The following ACSM6 variants were observed in gnomAD, a reference collection of about 807,000 sequenced individuals.
ACSM6 encodes acyl-coenzyme A synthetase ACSM6, mitochondrial.
ACSM6 carries 35 observed loss-of-function variants against 51.1 expected under a neutral mutation model. That is an observed-to-expected ratio of 0.69 (90% CI 0.52 to 0.91). ACSM6 has a LOEUF of 0.91. Ranked by LOEUF, ACSM6 falls within the 40% of genes least tolerant of loss-of-function variation. The pLI, the probability that ACSM6 is intolerant of heterozygous loss-of-function variation, is 0.00. For synonymous variants in ACSM6, 172 were observed against 207.3 expected (o/e 0.83, Z 1.46); for missense variants, 509 against 584.1 (o/e 0.87, Z 1.32).
chr10:95,216,314 C>T (rs961920548), intron 8 of ACSM6, among the ~76,000 whole-genome samples: 19 of 152,088 alleles, frequency 1.2e-4, no homozygotes, highest in Non-Finnish European at 1.8e-4. Context: ...CTCCCAAAGG[C>T]CTCATCTCCA....
exon 2 of ACSM6, chr10:95,194,474 T>C: frequency 1.3e-6 from 2 of 1,551,168 alleles, no homozygotes; most frequent in South Asian, 1.2e-5. Flanking sequence ...GGTGGTTCCC[T>C]GTCTGACCCA....
exon 7 of ACSM6, chr10:95,212,881 C>T: frequency 1.9e-6 from 3 of 1,613,706 alleles, no homozygotes. Flanking sequence ...TTCCCATCAC[C>T]ACTCTATCTG....
At chr10:95,198,129 C>T (rs929210015) in intron 2 of ACSM6, among the ~76,000 whole-genome samples, 1 of 152,156 alleles carries the variant, frequency 6.6e-6, no homozygotes. Context: ...AAGCAATTGT[C>T]TAAAGTACAG....
At chr10:95,199,544 C>A (rs61871157) in intron 2 of ACSM6, among the ~76,000 whole-genome samples, 2 of 151,316 alleles carry the variant, frequency 1.3e-5, no homozygotes, top group East Asian at 3.9e-4. Flanking sequence ...CAAAAGAAAC[C>A]ACCATCAGAG....
chr10:95,207,814 A>G (rs940974714), intron 4 of ACSM6, among the ~76,000 whole-genome samples: 2 of 152,214 alleles, frequency 1.3e-5, no homozygotes, highest in African/African-American at 4.8e-5. Flanking sequence ...TGAAGCCATA[A>G]AAAATGAAAT....
At chr10:95,204,615 G>T (rs2034825344) in intron 3 of ACSM6, among the ~76,000 whole-genome samples, 1 of 152,040 alleles carries the variant, frequency 6.6e-6, no homozygotes, top group Non-Finnish European at 1.5e-5. Flanking sequence ...TGAAAGCATT[G>T]ATTAGTTCTT....
exon 10 of ACSM6, chr10:95,225,310 TCTC>T (rs1183828774): frequency 6.4e-7 from 1 of 1,551,508 alleles, no homozygotes. Context: ...AAAACTCAAA[TCTC>T]CTGCCTCCAG....
chr10:95,215,332 G>A (rs1389816163), intron 8 of ACSM6, among the ~76,000 whole-genome samples: 1 of 152,192 alleles, frequency 6.6e-6, no homozygotes, highest in East Asian at 1.9e-4. Flanking sequence ...ATGGAAGAAA[G>A]AGTAGATTAT....
rs148069552 is a variant in ACSM6, at chr10:95,210,777, T to C, written c.739T>C (p.Phe247Leu). The C allele has an allele frequency of 1.1e-5, 18 of 1,613,828 alleles. No homozygotes were observed. The African/African-American group carries it at 2.0e-4, about 18-fold the overall frequency. The change falls in exon 5 of 11, where the codon TTC (phenylalanine) becomes CTC (leucine). Residue 247 changes from phenylalanine (F) to leucine (L), a missense_variant. Transcript: ENST00000341686. Reference sequence around the variant, plus strand: ...TTCCCAGTATGGTTTGGGAATGGGATTCAGCCAGGCTTCCAGGTACGGTTC... The same window carrying C: ...TTCCCAGTATGGTTTGGGAATGGGACTCAGCCAGGCTTCCAGGTACGGTTC...
At chr10:95,207,074 C>A in intron 3 of ACSM6, 134 bp from the exon 4 acceptor site, 1 of 772,840 alleles carries the variant, frequency 1.3e-6, no homozygotes, top group Non-Finnish European at 2.1e-6. Context: ...CATCGTGTTA[C>A]TGACCCAATA....
chr10:95,196,777 A>C (rs558924172), intron 2 of ACSM6, among the ~76,000 whole-genome samples: 2 of 152,400 alleles, frequency 1.3e-5, no homozygotes, highest in African/African-American at 4.8e-5. Flanking sequence ...TAATGTGGAA[A>C]CAATATGATG....
chr10:95,222,392 G>A (rs533091080), intron 9 of ACSM6, among the ~76,000 whole-genome samples: 24 of 152,252 alleles, frequency 1.6e-4, no homozygotes, highest in South Asian at 4.1e-4. Context: ...GGAGGCCAAG[G>A]TGGGCAGATC....
chr10:95,203,857 TAAA>T (rs34969526), intron 3 of ACSM6, among the ~76,000 whole-genome samples: 23 of 106,842 alleles, frequency 2.2e-4, no homozygotes, highest in Non-Finnish European at 2.4e-4. Context: ...ATGCTAGATT[TAAA>T]AAAAAAAAAA....
intron 2 of ACSM6, among the ~76,000 whole-genome samples, chr10:95,195,957 G>T (rs2034721062): frequency 6.6e-6 from 1 of 151,196 alleles, no homozygotes; most frequent in African/African-American, 2.4e-5. Flanking sequence ...GGACTTTGGG[G>T]TGCTTTCATC....
exon 11 of ACSM6, chr10:95,228,901 T>TA: frequency 9.1e-7 from 1 of 1,097,884 alleles, no homozygotes; most frequent in Non-Finnish European, 1.2e-6. Context: ...CAACCAAAAA[T>TA]AAAAAAATAA....
chr10:95,197,898 G>A lies in ACSM6; in HGVS notation c.192+3221G>A, dbSNP rs111317615. Among the ~76,000 whole-genome samples, 974 of 152,320 alleles carry A rather than the reference G, an allele frequency of 6.4e-3. 12 individuals carry two copies. Among genetic ancestry groups the A allele is most frequent in the African/African-American group, 0.022 (935 of 41,562 alleles). ...AGGGCAGAAGTCCCTGCGGCTTTCC[G>A]CAGTGCACTGTGCCCCTGGTTTATT... On this transcript the variant is annotated intron_variant, in intron 2 of 10. Transcript: ENST00000341686.
At chr10:95,223,169 C>T (rs1160725064) in intron 9 of ACSM6, among the ~76,000 whole-genome samples, 1 of 151,536 alleles carries the variant, frequency 6.6e-6, no homozygotes, top group African/African-American at 2.4e-5. Flanking sequence ...GACACACACA[C>T]ACACACACAC....
At chr10:95,226,386 T>C (rs530093848) in intron 10 of ACSM6, 1 of 151,874 alleles carries the variant, frequency 6.6e-6, no homozygotes, top group East Asian at 1.9e-4. Context: ...CTGGGCAACA[T>C]GGCAAAACTC....
At chr10:95,224,667 T>G (rs1446388298) in intron 9 of ACSM6, among the ~76,000 whole-genome samples, 2 of 152,274 alleles carry the variant, frequency 1.3e-5, no homozygotes, top group East Asian at 3.8e-4. Context: ...CCCAAAGTGC[T>G]GGGATTACAG....
Sources: gnomAD v4.1 joint callset for allele counts (sites outside exome capture counted in the v4.1 genomes callset) on GRCh38, gnomAD v4.1.1 for gene constraint, MANE v1.5 for transcripts, NCBI Gene and HGNC (gene_info 2026-07-23, HGNC 2026-07-21) for gene names.